The following ZFHX3 variants were observed in gnomAD, a reference collection of about 807,000 sequenced individuals.
The protein encoded by ZFHX3 is zinc finger homeobox protein 3.
In ZFHX3, 42 loss-of-function variants were observed where a neutral mutation model predicts 279.1. That is an observed-to-expected ratio of 0.15 (90% CI 0.12 to 0.19). The LOEUF (loss-of-function observed/expected upper bound fraction) is 0.19. ZFHX3 is among the 10% of genes least tolerant of loss of function. ZFHX3 has a pLI of 1.00. For synonymous variants in ZFHX3, 2,293 were observed against 1,957.8 expected, an observed-to-expected ratio of 1.17 and a Z score of -4.52; for missense variants, 4,981 against 4,754.0, an observed-to-expected ratio of 1.05 and a Z score of -1.40.
At chr16:72,875,963 G>C (rs1198936873) in intron 4 of ZFHX3, among the ~76,000 whole-genome samples, 3 of 152,102 alleles carry the variant, frequency 2.0e-5, no homozygotes, top group South Asian at 2.1e-4. Flanking sequence ...TTTGACAATT[G>C]AATTAATGTT....
chr16:73,372,774 G>T (rs1380573009), intron 3 of ZFHX3, among the ~76,000 whole-genome samples: 3 of 152,136 alleles, frequency 2.0e-5, no homozygotes, highest in African/African-American at 7.2e-5. Context: ...TCACAGTCCT[G>T]GGGCTTAGGG....
intron 4 of ZFHX3, among the ~76,000 whole-genome samples, chr16:72,888,397 A>G (rs1222805992): frequency 2.6e-5 from 4 of 152,174 alleles, no homozygotes; most frequent in Non-Finnish European, 5.9e-5. Context: ...CCAGGTGCCC[A>G]AGAGGTGGGA....
intron 5 of ZFHX3, among the ~76,000 whole-genome samples, chr16:73,159,218 T>C (rs1276480904): frequency 1.3e-5 from 2 of 152,190 alleles, no homozygotes; most frequent in Non-Finnish European, 2.9e-5. Context: ...ATAAGGAACT[T>C]AAACAAACAA....
At chr16:73,631,677 G>T (rs2052470289) in intron 2 of ZFHX3, among the ~76,000 whole-genome samples, 1 of 152,176 alleles carries the variant, frequency 6.6e-6, no homozygotes, top group Admixed American at 6.5e-5. Context: ...GGCCGAGGCA[G>T]GTGGATCACT....
chr16:73,253,762 C>T (rs551346613), intron 5 of ZFHX3, among the ~76,000 whole-genome samples: 18 of 152,088 alleles, frequency 1.2e-4, no homozygotes, highest in African/African-American at 4.1e-4. Flanking sequence ...GCCGGTTCTA[C>T]GATTTTCTTT....
chr16:72,814,002 T>C (rs1452586054), intron 5 of ZFHX3, among the ~76,000 whole-genome samples: 5 of 152,212 alleles, frequency 3.3e-5, no homozygotes, highest in Admixed American at 1.3e-4. Context: ...CTCCATCATT[T>C]TGATTTTTGC....
intron 2 of ZFHX3, among the ~76,000 whole-genome samples, chr16:73,494,861 C>CA (rs1455544837): frequency 2.0e-5 from 3 of 152,060 alleles, no homozygotes; most frequent in Non-Finnish European, 2.9e-5. Context: ...AGCCTCTGCG[C>CA]CCGGCAAAAC....
chr16:73,121,806 G>A (rs1012838675), intron 7 of ZFHX3, among the ~76,000 whole-genome samples: 4 of 151,862 alleles, frequency 2.6e-5, no homozygotes, highest in African/African-American at 7.2e-5. Flanking sequence ...TAGTAGAGAC[G>A]GGGTTTCACC....
chr16:73,384,910 G>A (rs1233979624), intron 3 of ZFHX3, among the ~76,000 whole-genome samples: 3 of 152,132 alleles, frequency 2.0e-5, no homozygotes, highest in Admixed American at 6.6e-5. Flanking sequence ...TCCCTCCTAC[G>A]TTACCCTGAT....
At chr16:73,288,223 T>G (rs2014679248) in intron 4 of ZFHX3, among the ~76,000 whole-genome samples, 3 of 148,348 alleles carry the variant, frequency 2.0e-5, no homozygotes, top group Non-Finnish European at 4.5e-5. Context: ...GGTGGAGAGG[T>G]GGGAAGGAGA....
chr16:73,767,375 A>G (rs1416837292), intron 1 of ZFHX3, among the ~76,000 whole-genome samples: 1 of 152,180 alleles, frequency 6.6e-6, no homozygotes, highest in Non-Finnish European at 1.5e-5. Flanking sequence ...AGGTAAAATT[A>G]TTTGGATTTG....
intron 1 of ZFHX3, among the ~76,000 whole-genome samples, chr16:73,702,039 C>A (rs1431402794): frequency 6.6e-6 from 1 of 152,054 alleles, no homozygotes; most frequent in Non-Finnish European, 1.5e-5. Context: ...AGTCTTCAAA[C>A]CATGGTTAGA....
chr16:73,079,354 G>A (rs1169008828), intron 8 of ZFHX3, among the ~76,000 whole-genome samples: 1 of 151,934 alleles, frequency 6.6e-6, no homozygotes, highest in Non-Finnish European at 1.5e-5. Flanking sequence ...GTCAAACCCT[G>A]TCTCTACAAA....
intron 5 of ZFHX3, among the ~76,000 whole-genome samples, chr16:73,186,681 T>C (rs1967917815): frequency 6.6e-6 from 1 of 151,866 alleles, no homozygotes; most frequent in African/African-American, 2.4e-5. Flanking sequence ...GTTTCATCCA[T>C]CCTATATTTA....
chr16:73,046,618 C>T (rs537032978), intron 1 of ZFHX3, among the ~76,000 whole-genome samples: 2 of 152,168 alleles, frequency 1.3e-5, no homozygotes, highest in South Asian at 4.2e-4. Flanking sequence ...TGCTGCTTGA[C>T]GGCAAGGAAA....
intron 2 of ZFHX3, among the ~76,000 whole-genome samples, chr16:73,673,829 C>G (rs1207355796): frequency 6.6e-6 from 1 of 152,026 alleles, no homozygotes; most frequent in Non-Finnish European, 1.5e-5. Flanking sequence ...CAGTGAAGCT[C>G]CATGAAAACT....
intron 1 of ZFHX3, among the ~76,000 whole-genome samples, chr16:73,848,475 C>A (rs1567429480): frequency 1.3e-5 from 2 of 152,294 alleles, no homozygotes; most frequent in South Asian, 4.1e-4. Flanking sequence ...ATGCAAGATA[C>A]CCCTCAAACG....
chr16:73,120,094 A>C (rs2144807335), intron 7 of ZFHX3, among the ~76,000 whole-genome samples: 1 of 152,164 alleles, frequency 6.6e-6, no homozygotes, highest in East Asian at 1.9e-4. Context: ...AGTGAAATAC[A>C]CAGTTGATGT....
chr16:73,301,832 A>G (rs1303470904), intron 4 of ZFHX3, among the ~76,000 whole-genome samples: 1 of 151,140 alleles, frequency 6.6e-6, no homozygotes, highest in African/African-American at 2.5e-5. Context: ...AGTGTGCATA[A>G]GCCTTTCTTA....
Sources: gnomAD v4.1 joint callset for allele counts (sites outside exome capture counted in the v4.1 genomes callset) on GRCh38, gnomAD v4.1.1 for gene constraint, MANE v1.5 for transcripts, NCBI Gene and HGNC (gene_info 2026-07-23, HGNC 2026-07-21) for gene names.